The following MYOM1 variants were observed in gnomAD, a reference collection of about 807,000 sequenced individuals.
The protein encoded by MYOM1 is myomesin 1, also known as myomesin-1.
In MYOM1, 164 loss-of-function variants were observed where a neutral mutation model predicts 205.3. The observed-to-expected ratio is 0.80, with a 90% confidence interval of 0.70 to 0.91. The LOEUF (loss-of-function observed/expected upper bound fraction) is 0.91, where lower values mean the gene tolerates loss of function less well. Among genes scored for constraint, MYOM1 ranks in the 40% least tolerant of loss-of-function variants. MYOM1 has a pLI of 0.00. For synonymous variants in MYOM1, 772 were observed against 789.4 expected (o/e 0.98, Z 0.37); for missense variants, 2,011 against 2,127.3 (o/e 0.95, Z 1.08).
At chr18:3,070,876 A>G (rs1315347246) in intron 37 of MYOM1, among the ~76,000 whole-genome samples, 1 of 151,854 alleles carries the variant, frequency 6.6e-6, no homozygotes, top group African/African-American at 2.4e-5. Context: ...CCTCCCACTC[A>G]GACTCCCGAG....
chr18:3,098,891 A>G (rs1213069997), intron 25 of MYOM1, among the ~76,000 whole-genome samples: 27 of 152,218 alleles, frequency 1.8e-4, no homozygotes. Context: ...AGAATTTAGA[A>G]GTCTGCGCCC....
At chr18:3,108,001 T>C (rs2079473767) in intron 22 of MYOM1, among the ~76,000 whole-genome samples, 1 of 152,226 alleles carries the variant, frequency 6.6e-6, no homozygotes, top group Non-Finnish European at 1.5e-5. Context: ...ATCAGTATTG[T>C]AGAACCTAAG....
Position 3,075,434 on chromosome 18 carries a change from T to TA in MYOM1, c.4708+19dup, listed in dbSNP as rs770000560. 8.5e-5 allele frequency: 135 copies of TA among 1,592,334 alleles called. No homozygotes were observed. The highest frequency in any genetic ancestry group is 2.4e-4 in the African/African-American group (18 of 74,290). ...CTATCCCAGGAGTACTTGTGAAAAG[T>TA]AAAAAAAAAGTTTACTTACTTTTCT... On this transcript the variant is annotated intron_variant, in intron 36 of 37. Transcript: ENST00000356443.
chr18:3,075,865 T>C (rs904092591), intron 34 of MYOM1, 104 bp from the exon 35 acceptor site: 3 of 998,552 alleles, frequency 3.0e-6, no homozygotes, highest in African/African-American at 1.6e-5. Context: ...GGTCCAGACA[T>C]GACTAAACCG....
intron 29 of MYOM1, among the ~76,000 whole-genome samples, chr18:3,086,996 C>A (rs899109518): frequency 2.6e-5 from 4 of 152,126 alleles, no homozygotes; most frequent in Non-Finnish European, 4.4e-5. Flanking sequence ...AAATGTGAAA[C>A]AATTTCAGCT....
intron 6 of MYOM1, 90 bp downstream of exon 6, chr18:3,175,952 G>A: frequency 1.3e-6 from 1 of 779,316 alleles, no homozygotes; most frequent in Non-Finnish European, 2.2e-6. Flanking sequence ...ACAGCATTGG[G>A]ATGAAGTGGG....
intron 34 of MYOM1, among the ~76,000 whole-genome samples, chr18:3,076,663 AT>A (rs1276955633): frequency 6.6e-6 from 1 of 151,608 alleles, no homozygotes; most frequent in African/African-American, 2.4e-5. Flanking sequence ...TTCTCAAATA[AT>A]TTTTTTCTGT....
intron 27 of MYOM1, among the ~76,000 whole-genome samples, 189 bp downstream of exon 27, chr18:3,090,469 C>A (rs1242971188): frequency 1.3e-5 from 2 of 152,120 alleles, no homozygotes; most frequent in African/African-American, 4.8e-5. Context: ...ATCCACCCGC[C>A]TCGGCCTCTC....
chr18:3,225,516 G>C, the MYOM1 span, among the ~76,000 whole-genome samples: 8 of 152,138 alleles, frequency 5.3e-5, no homozygotes, highest in African/African-American at 1.9e-4. Flanking sequence ...GTAGCAAGTG[G>C]CCTCTGTTGA....
At chr18:3,194,229 G>A (rs2080961748) in intron 2 of MYOM1, among the ~76,000 whole-genome samples, 1 of 152,210 alleles carries the variant, frequency 6.6e-6, no homozygotes, top group African/African-American at 2.4e-5. Flanking sequence ...AGGGAAAAGA[G>A]TGATGTTTTT....
chr18:3,176,789 C>G (rs779152297), intron 5 of MYOM1, among the ~76,000 whole-genome samples: 8 of 151,732 alleles, frequency 5.3e-5, no homozygotes, highest in Non-Finnish European at 7.4e-5. Context: ...GGCTCAGGCA[C>G]AAGAATTGTT....
chr18:3,227,486 T>C, the MYOM1 span, among the ~76,000 whole-genome samples: 1 of 151,840 alleles, frequency 6.6e-6, no homozygotes, highest in Non-Finnish European at 1.5e-5. Flanking sequence ...GAGTATAGCT[T>C]AATGGGTAGA....
At chr18:3,208,156 G>C (rs1567969085) in intron 2 of MYOM1, among the ~76,000 whole-genome samples, 1 of 152,210 alleles carries the variant, frequency 6.6e-6, no homozygotes, top group Non-Finnish European at 1.5e-5. Context: ...TGGAGCAGGA[G>C]GCTGATACAT....
intron 20 of MYOM1, among the ~76,000 whole-genome samples, chr18:3,118,330 CCTTT>C (rs1481114922): frequency 7.0e-6 from 1 of 142,138 alleles, no homozygotes; most frequent in Non-Finnish European, 1.5e-5. Context: ...TCACCTGCAA[CCTTT>C]CTTTGTCAAC....
chr18:3,221,614 C>G (rs1198298944), upstream of MYOM1, among the ~76,000 whole-genome samples: 1 of 152,226 alleles, frequency 6.6e-6, no homozygotes, highest in Non-Finnish European at 1.5e-5. Flanking sequence ...TACTTGTAGT[C>G]ATGTATTGCT....
chr18:3,134,805 G>C lies in MYOM1; in HGVS notation c.2229C>G (p.Gly743=). Residue 743 remains glycine, a synonymous_variant, in exon 16 of 38, where the codon GGC becomes GGG. Transcript: ENST00000356443. Reference sequence around the variant, plus strand: ...CTGTGTTTCTGCTTGGGATGATTTTGCCAGGAGCCTTGGGGATATCTGAGA... The same window carrying C: ...CTGTGTTTCTGCTTGGGATGATTTTCCCAGGAGCCTTGGGGATATCTGAGA... ...GDKLDIPKAP[G]KIIPSRNTDT... The C allele has an allele frequency of 6.2e-7, 1 of 1,613,918 alleles. No homozygotes were observed. Among genetic ancestry groups the C allele is most frequent in the African/African-American group, 1.3e-5 (1 of 74,990 alleles).
the MYOM1 span, among the ~76,000 whole-genome samples, chr18:3,229,697 C>T: frequency 3.3e-5 from 5 of 152,194 alleles, no homozygotes; most frequent in South Asian, 4.1e-4. Context: ...TGGCCGGGCG[C>T]GGTGGCTCAC....
At chr18:3,150,743 A>G (rs2143985370) in intron 12 of MYOM1, among the ~76,000 whole-genome samples, 1 of 152,354 alleles carries the variant, frequency 6.6e-6, no homozygotes, top group East Asian at 1.9e-4. Flanking sequence ...AATACAAGGC[A>G]TGATTACAGG....
At chr18:3,090,825 C>T (rs373506914) in intron 26 of MYOM1, 23 bp from the exon 27 acceptor site, 44 of 1,613,042 alleles carry the variant, frequency 2.7e-5, no homozygotes, top group Non-Finnish European at 3.7e-5. Flanking sequence ...AAGAAAATGA[C>T]AGAGAAATCA....
Sources: allele counts gnomAD v4.1 joint callset (sites outside exome capture counted in the v4.1 genomes callset), GRCh38; gene constraint gnomAD v4.1.1; transcripts MANE v1.5; gene names NCBI Gene and HGNC (gene_info 2026-07-23, HGNC 2026-07-21).